EYS: variants seen among roughly 807,000 people sequenced by gnomAD.
EYS encodes EGF-like photoreceptor maintenance factor, also known as protein eyes shut homolog.
A neutral mutation model predicts 282.1 loss-of-function variants in EYS; 250 were observed. The observed-to-expected ratio is 0.89, with a 90% CI of 0.80 to 0.98. EYS has a LOEUF of 0.98. Ranked by LOEUF, EYS falls within the 50% of genes least tolerant of loss-of-function variation. The pLI is 0.00. For synonymous variants in EYS, 1,355 were observed against 1,282.9 expected (o/e 1.06, Z -1.20); for missense variants, 4,016 against 3,709.0 (o/e 1.08, Z -2.15).
intron 28 of EYS, among the ~76,000 whole-genome samples, chr6:64,399,152 T>C (rs1217299597): frequency 2.0e-5 from 3 of 151,774 alleles, no homozygotes; most frequent in Non-Finnish European, 4.4e-5. Context: ...ATGAAACACA[T>C]TAAGATATCA....
intron 12 of EYS, among the ~76,000 whole-genome samples, chr6:65,120,151 C>CAAAAAA (rs1170415166): frequency 0.1 from 6,271 of 60,758 alleles, 474 homozygotes; most frequent in Non-Finnish European, 0.14. Context: ...GACTCCGTCT[C>CAAAAAA]AAAAAAAAAA....
intron 8 of EYS, among the ~76,000 whole-genome samples, chr6:65,362,040 T>C (rs548508835): frequency 7.3e-5 from 10 of 136,348 alleles, no homozygotes; most frequent in African/African-American, 2.0e-4. Context: ...CCAGAGAACC[T>C]GTTCTTCCCA....
chr6:64,919,196 G>C (rs907202205), intron 15 of EYS, among the ~76,000 whole-genome samples: 7 of 151,906 alleles, frequency 4.6e-5, no homozygotes, highest in African/African-American at 1.7e-4. Flanking sequence ...TTTTGAGATG[G>C]AGTCTCACTC....
intron 36 of EYS, among the ~76,000 whole-genome samples, chr6:63,848,892 G>A (rs1028297379): frequency 5.9e-5 from 9 of 152,148 alleles, no homozygotes; most frequent in African/African-American, 1.7e-4. Flanking sequence ...CTTGCTCAGC[G>A]GATCCCACCT....
chr6:64,843,211 G>A (rs1405208672), intron 19 of EYS, among the ~76,000 whole-genome samples: 1 of 152,156 alleles, frequency 6.6e-6, no homozygotes, highest in East Asian at 1.9e-4. Context: ...ACCTCTGCTA[G>A]GGCATTGTGG....
chr6:64,035,235 T>A (rs1231737839), intron 33 of EYS, among the ~76,000 whole-genome samples: 1 of 152,230 alleles, frequency 6.6e-6, no homozygotes, highest in East Asian at 1.9e-4. Flanking sequence ...TTTTTCTTCA[T>A]CTAGGATTAT....
intron 2 of EYS, among the ~76,000 whole-genome samples, chr6:65,608,724 C>T (rs1765889582): frequency 6.6e-6 from 1 of 151,940 alleles, no homozygotes; most frequent in Non-Finnish European, 1.5e-5. Context: ...TATATCCTTA[C>T]TATATAAGCT....
rs1561993439 is a variant in EYS at position 63,720,817 on chromosome 6, G to A, written c.9214C>T (p.Pro3072Ser). 6.4e-7 allele frequency: 1 copy of A among 1,550,968 alleles called. No homozygotes were observed. Among genetic ancestry groups the A allele is most frequent in the Non-Finnish European group, 8.7e-7 (1 of 1,146,618 alleles). The change falls in exon 43 of 43, where the codon CCA becomes TCA. Residue 3072 changes from proline to serine, a missense_variant. By Grantham distance (74) the Pro-to-Ser change is moderately conservative. Transcript: ENST00000503581. ...NSLILSEDIDPHKNFVALNYD... is the reference protein window; with the variant it reads ...NSLILSEDIDSHKNFVALNYD... ...TTTAGAGCCACAAAGTTTTTATGTG[G>A]ATCAATATCCTCGGAAAGAATTAGA...
At chr6:64,583,199 TTA>T (rs2149825915) in intron 26 of EYS, among the ~76,000 whole-genome samples, 1 of 152,232 alleles carries the variant, frequency 6.6e-6, no homozygotes, top group Admixed American at 6.5e-5. Context: ...TCTTTGGTGT[TTA>T]ATAGTTTTAA....
intron 41 of EYS, among the ~76,000 whole-genome samples, chr6:63,736,683 G>A (rs1208424187): frequency 6.6e-6 from 1 of 152,080 alleles, no homozygotes; most frequent in Non-Finnish European, 1.5e-5. Flanking sequence ...TGGGCAGTAC[G>A]GCCATTTTCA....
intron 2 of EYS, among the ~76,000 whole-genome samples, chr6:65,526,368 G>T (rs899300087): frequency 6.6e-6 from 1 of 152,108 alleles, no homozygotes; most frequent in Non-Finnish European, 1.5e-5. Context: ...CCTTTGGTCC[G>T]AAATATCTTA....
chr6:64,393,372 A>G (rs911715811), intron 28 of EYS, among the ~76,000 whole-genome samples: 1 of 152,240 alleles, frequency 6.6e-6, no homozygotes, highest in African/African-American at 2.4e-5. Context: ...CATTGATGCA[A>G]AAAACCTCAA....
At chr6:64,976,798 C>T (rs1235983876) in intron 14 of EYS, among the ~76,000 whole-genome samples, 7 of 151,870 alleles carry the variant, frequency 4.6e-5, no homozygotes, top group Non-Finnish European at 1.5e-5. Flanking sequence ...ATTGGCATAA[C>T]TTATTTTATT....
chr6:64,553,486 A>T (rs1206169291), intron 26 of EYS, among the ~76,000 whole-genome samples: 1 of 151,148 alleles, frequency 6.6e-6, no homozygotes, highest in Non-Finnish European at 1.5e-5. Flanking sequence ...ATTACTAGTG[A>T]AAAGCTTCCT....
At chr6:64,672,881 C>T (rs551123551) in intron 22 of EYS, among the ~76,000 whole-genome samples, 82 of 152,256 alleles carry the variant, frequency 5.4e-4, no homozygotes, top group Non-Finnish European at 1.0e-3. Flanking sequence ...TACCCTATAA[C>T]CCTCACAGGG....
At chr6:64,449,540 A>G (rs1411183391) in intron 26 of EYS, among the ~76,000 whole-genome samples, 1 of 152,188 alleles carries the variant, frequency 6.6e-6, no homozygotes. Context: ...GAGCAACTCC[A>G]AGACACATAA....
intron 2 of EYS, among the ~76,000 whole-genome samples, chr6:65,515,131 G>A (rs1008556201): frequency 1.3e-5 from 2 of 152,022 alleles, no homozygotes; most frequent in Non-Finnish European, 2.9e-5. Context: ...GTGGGCAAAG[G>A]ACATGAACAG....
intron 12 of EYS, among the ~76,000 whole-genome samples, chr6:65,152,426 T>C (rs2150216067): frequency 6.6e-6 from 1 of 152,022 alleles, no homozygotes; most frequent in Non-Finnish European, 1.5e-5. Context: ...ACCACAACAG[T>C]TGGCCCTAAT....
chr6:65,402,684 G>T, intron 6 of EYS, 79 bp from the exon 7 acceptor site: 2 of 929,890 alleles, frequency 2.2e-6, no homozygotes, highest in Non-Finnish European at 3.3e-6. Flanking sequence ...ACCTGGAGAA[G>T]GGTTAAAATT....
Sources: gnomAD v4.1 joint callset for allele counts (sites outside exome capture counted in the v4.1 genomes callset) on GRCh38, gnomAD v4.1.1 for gene constraint, MANE v1.5 for transcripts, NCBI Gene and HGNC (gene_info 2026-07-23, HGNC 2026-07-21) for gene names.